RAPGEF4: variants seen among roughly 807,000 people sequenced by gnomAD.
The protein encoded by RAPGEF4 is RAP guanine-nucleotide-exchange factor (GEF) 4.
A neutral mutation model predicts 147.9 loss-of-function variants in RAPGEF4; 66 were observed. That is an observed-to-expected ratio of 0.45 (90% CI 0.37 to 0.55). The LOEUF (loss-of-function observed/expected upper bound fraction) is 0.55, where lower values mean the gene tolerates loss of function less well. Among genes scored for constraint, RAPGEF4 ranks in the 20% least tolerant of loss-of-function variants. The pLI is 0.00. For synonymous variants in RAPGEF4, 419 were observed against 442.7 expected (o/e 0.95, Z 0.67); for missense variants, 1,071 against 1,257.3 (o/e 0.85, Z 2.24).
intron 1 of RAPGEF4, among the ~76,000 whole-genome samples, chr2:172,778,175 T>C (rs1300464946): frequency 6.6e-6 from 1 of 152,196 alleles, no homozygotes; most frequent in Non-Finnish European, 1.5e-5. Context: ...AAATTAGTTC[T>C]AGTTTAAAAT....
At chr2:172,846,032 G>C (rs1202843696) in intron 4 of RAPGEF4, among the ~76,000 whole-genome samples, 1 of 152,204 alleles carries the variant, frequency 6.6e-6, no homozygotes, top group African/African-American at 2.4e-5. Context: ...CCTCACCGCA[G>C]CAGGAGGACA....
intron 1 of RAPGEF4, chr2:172,744,354 A>G: frequency 2.2e-6 from 1 of 454,892 alleles, no homozygotes; most frequent in Non-Finnish European, 4.4e-6. Context: ...CAAGTTATTA[A>G]TCTTTTTGAA....
intron 1 of RAPGEF4, among the ~76,000 whole-genome samples, chr2:172,783,238 G>GTGGTC (rs1454773840): frequency 1.3e-5 from 2 of 152,204 alleles, no homozygotes; most frequent in Non-Finnish European, 2.9e-5. Flanking sequence ...TGAGGACAGA[G>GTGGTC]TGGTCGGGGA....
At chr2:172,836,100 G>T (rs772399385) in intron 4 of RAPGEF4, among the ~76,000 whole-genome samples, 1 of 152,174 alleles carries the variant, frequency 6.6e-6, no homozygotes, top group Non-Finnish European at 1.5e-5. Flanking sequence ...CTCCATAAAA[G>T]ATGTCACATC....
At chr2:172,930,813 C>A (rs1685841543) in intron 6 of RAPGEF4, among the ~76,000 whole-genome samples, 1 of 152,120 alleles carries the variant, frequency 6.6e-6, no homozygotes, top group African/African-American at 2.4e-5. Context: ...TTTATGATCA[C>A]CCCATCCAGA....
chr2:172,798,324 C>T lies in RAPGEF4; in HGVS notation c.297+711C>T, dbSNP rs1053890027. Among the ~76,000 whole-genome samples the T allele has an allele frequency of 2.6e-5, 4 of 151,908 alleles. No individual in the cohort carries two copies. In the East Asian group the frequency reaches 5.8e-4, roughly 22 times the overall value. On this transcript the variant is annotated intron_variant, in intron 3 of 30. Transcript: ENST00000397081. The stretch of plus-strand genomic sequence containing the variant: ...AGAAAAAATATATAAATATTTAAGT[C>T]GAACCCAGGGCCTTCTTTCACATCT...
At chr2:172,929,381 T>C (rs1398986015) in intron 6 of RAPGEF4, among the ~76,000 whole-genome samples, 1 of 152,176 alleles carries the variant, frequency 6.6e-6, no homozygotes, top group African/African-American at 2.4e-5. Context: ...AGATGACAGA[T>C]AAATGCACAT....
intron 2 of RAPGEF4, among the ~76,000 whole-genome samples, chr2:172,796,518 G>A (rs930318265): frequency 3.3e-5 from 5 of 152,196 alleles, no homozygotes; most frequent in Admixed American, 1.3e-4. Flanking sequence ...CCAGGAGGCC[G>A]AGGTTGCAGT....
At chr2:172,897,570 T>G (rs1038205143) in intron 4 of RAPGEF4, among the ~76,000 whole-genome samples, 12 of 151,512 alleles carry the variant, frequency 7.9e-5, no homozygotes, top group African/African-American at 2.9e-4. Context: ...GACTAATTTT[T>G]TAATTTTTTT....
intron 4 of RAPGEF4, among the ~76,000 whole-genome samples, chr2:172,845,070 T>C (rs1362878200): frequency 1.3e-5 from 2 of 152,180 alleles, no homozygotes; most frequent in African/African-American, 2.4e-5. Flanking sequence ...GGAATAGTAA[T>C]ACAAATGGTA....
chr2:172,759,036 C>T (rs746528266), intron 1 of RAPGEF4, among the ~76,000 whole-genome samples: 4 of 152,138 alleles, frequency 2.6e-5, no homozygotes, highest in East Asian at 1.9e-4. Context: ...GAATGTCAAC[C>T]GTGTTTTGAA....
chr2:172,918,136 A>C, intron 5 of RAPGEF4: 1 of 617,010 alleles, frequency 1.6e-6, no homozygotes, highest in East Asian at 3.1e-5. Context: ...TTCCCAAAAT[A>C]TCTTCATCTT....
chr2:172,758,219 G>A (rs190276571), intron 1 of RAPGEF4, among the ~76,000 whole-genome samples: 28 of 152,282 alleles, frequency 1.8e-4, no homozygotes, highest in African/African-American at 6.0e-4. Flanking sequence ...TCAGGTGTGG[G>A]TGCGTGTGTA....
intron 1 of RAPGEF4, among the ~76,000 whole-genome samples, chr2:172,743,929 A>T (rs1694537689): frequency 1.3e-5 from 2 of 152,160 alleles, no homozygotes. Context: ...GTGAAGAAAA[A>T]AGCCCTATTT....
chr2:172,911,144 A>C (rs1700055913), intron 4 of RAPGEF4, among the ~76,000 whole-genome samples: 1 of 152,156 alleles, frequency 6.6e-6, no homozygotes, highest in African/African-American at 2.4e-5. Flanking sequence ...CCAGGATCCC[A>C]TCAGCTAAAT....
intron 5 of RAPGEF4, among the ~76,000 whole-genome samples, chr2:172,920,683 A>C (rs1684652416): frequency 6.6e-6 from 1 of 152,140 alleles, no homozygotes; most frequent in African/African-American, 2.4e-5. Context: ...CAGATACCCT[A>C]ATTTCCAGCT....
intron 8 of RAPGEF4, among the ~76,000 whole-genome samples, chr2:172,962,264 C>T (rs1212610292): frequency 6.6e-6 from 1 of 152,166 alleles, no homozygotes; most frequent in African/African-American, 2.4e-5. Context: ...CCCATTTAGC[C>T]TAGACATGAC....
At chr2:172,967,475 G>A (rs1349071503) in intron 10 of RAPGEF4, 31 bp downstream of exon 10, 1 of 1,597,230 alleles carries the variant, frequency 6.3e-7, no homozygotes, top group Non-Finnish European at 8.5e-7. Flanking sequence ...CACCCCTCCA[G>A]GTCCCAAGGC....
At chr2:172,979,126 C>T (rs1691406095) in intron 10 of RAPGEF4, among the ~76,000 whole-genome samples, 1 of 152,226 alleles carries the variant, frequency 6.6e-6, no homozygotes, top group South Asian at 2.1e-4. Context: ...TGAGGCCCAT[C>T]ATTTTCACAT....
Sources: gnomAD v4.1 joint callset for allele counts (sites outside exome capture counted in the v4.1 genomes callset) on GRCh38, gnomAD v4.1.1 for gene constraint, MANE v1.5 for transcripts, NCBI Gene and HGNC (gene_info 2026-07-23, HGNC 2026-07-21) for gene names.